The following NALF1 variants were observed in gnomAD, a reference collection of about 807,000 sequenced individuals.
NALF1 encodes family with sequence similarity 155 member A.
NALF1 carries 3 observed loss-of-function variants against 48.4 expected under a neutral mutation model. The observed-to-expected ratio is 0.06, with a 90% CI of 0.03 to 0.16. The LOEUF is 0.16. NALF1 is among the 10% of genes least tolerant of loss of function. The probability of loss-of-function intolerance (pLI) is 1.00; values close to 1 mark genes in which losing one functional copy is unlikely to be tolerated. For synonymous variants in NALF1, 262 were observed against 245.7 expected (o/e 1.07, Z -0.62); for missense variants, 526 against 571.5 (o/e 0.92, Z 0.81).
intron 1 of NALF1, among the ~76,000 whole-genome samples, chr13:107,330,043 G>A (rs1222535238): frequency 6.6e-6 from 1 of 152,096 alleles, no homozygotes; most frequent in Non-Finnish European, 1.5e-5. Flanking sequence ...AACTCAGGAG[G>A]GATTGTTTAG....
intron 1 of NALF1, among the ~76,000 whole-genome samples, chr13:107,358,478 A>G (rs191107995): frequency 6.6e-6 from 1 of 152,314 alleles, no homozygotes; most frequent in Non-Finnish European, 1.5e-5. Context: ...TTTATTGGCT[A>G]TGTAGTCATG....
At chr13:107,736,287 A>G (rs1876468878) in intron 1 of NALF1, among the ~76,000 whole-genome samples, 2 of 152,082 alleles carry the variant, frequency 1.3e-5, no homozygotes, top group Admixed American at 1.3e-4. Context: ...AAACGTGGAC[A>G]CTTCTGTAAC....
At chr13:107,613,655 T>C (rs140986044) in intron 1 of NALF1, among the ~76,000 whole-genome samples, 2,015 of 152,338 alleles carry the variant, frequency 0.013, 18 homozygotes, top group Non-Finnish European at 0.019. Flanking sequence ...ACTTTATCTG[T>C]GTGCCTGTAA....
chr13:107,376,750 T>G (rs1883346481), intron 1 of NALF1, among the ~76,000 whole-genome samples: 1 of 152,224 alleles, frequency 6.6e-6, no homozygotes, highest in Admixed American at 6.5e-5. Flanking sequence ...ATGATAAGGC[T>G]GTAACCCACA....
intron 1 of NALF1, among the ~76,000 whole-genome samples, chr13:107,296,941 A>C (rs1246615902): frequency 6.6e-6 from 1 of 152,154 alleles, no homozygotes; most frequent in Admixed American, 6.5e-5. Flanking sequence ...ACTCAAGCAC[A>C]AGGTATTCAG....
In NALF1 at chr13:107,866,842, T is replaced by G; in HGVS notation, c.-246A>C. 1 of 542,682 alleles carries G rather than the reference T, an allele frequency of 1.8e-6. No homozygotes were observed. The highest frequency in any genetic ancestry group is 3.2e-6 in the Non-Finnish European group (1 of 309,000). The allele number at this position is 542,682 out of a possible 1,614,324, so 33.6% of individuals were successfully genotyped here. A position where few individuals can be genotyped will look rare whatever the true frequency, so the allele number is the denominator to read the frequency against. ...TATTACCAGGCTTTGAAGGAAGGTCTGACTTGCTTCCTAATCATCAGCCGA... is the reference window on the plus strand; with the variant it reads ...TATTACCAGGCTTTGAAGGAAGGTCGGACTTGCTTCCTAATCATCAGCCGA... On this transcript the variant is annotated 5_prime_UTR_variant, in exon 1 of 3. Coordinates refer to ENST00000375915, the MANE Select transcript of NALF1 (RefSeq NM_001080396.3). The surrounding 1 kb of genome is among the most constrained non-coding windows in gnomAD (Gnocchi z 4.4).
intron 1 of NALF1, among the ~76,000 whole-genome samples, chr13:107,216,087 A>T (rs75113912): frequency 0.021 from 3,222 of 152,324 alleles, 39 homozygotes; most frequent in Non-Finnish European, 0.034. Context: ...CTTATTAGTA[A>T]GGACTAACTT....
intron 1 of NALF1, among the ~76,000 whole-genome samples, chr13:107,806,906 A>G (rs541021018): frequency 3.8e-4 from 58 of 152,284 alleles, no homozygotes; most frequent in African/African-American, 1.4e-3. Context: ...TATAAATTAA[A>G]TTACATTTGC....
intron 1 of NALF1, among the ~76,000 whole-genome samples, chr13:107,751,039 C>CAAA (rs1876924279): frequency 6.6e-6 from 1 of 152,172 alleles, no homozygotes; most frequent in Admixed American, 6.5e-5. Flanking sequence ...TCTCTTTCAA[C>CAAA]TACAAAATGG....
chr13:107,704,087 C>T (rs1881890230), intron 1 of NALF1, among the ~76,000 whole-genome samples: 1 of 152,132 alleles, frequency 6.6e-6, no homozygotes, highest in South Asian at 2.1e-4. Flanking sequence ...GTTCTCAATG[C>T]ATGTAAACCA....
chr13:107,199,946 C>T (rs1321924646), intron 2 of NALF1, among the ~76,000 whole-genome samples: 1 of 152,122 alleles, frequency 6.6e-6, no homozygotes, highest in East Asian at 1.9e-4. Flanking sequence ...ACACCTCCCA[C>T]CACAGAGCTT....
chr13:107,534,289 T>C (rs1876735689), intron 1 of NALF1, among the ~76,000 whole-genome samples: 1 of 152,114 alleles, frequency 6.6e-6, no homozygotes, highest in Non-Finnish European at 1.5e-5. Flanking sequence ...CATCTTCCAA[T>C]TAAAAACAAT....
At chr13:107,682,634 A>T (rs919119531) in intron 1 of NALF1, among the ~76,000 whole-genome samples, 1 of 151,976 alleles carries the variant, frequency 6.6e-6, no homozygotes, top group Non-Finnish European at 1.5e-5. Flanking sequence ...CACTTTTTAA[A>T]ATGGGTACTC....
chr13:107,779,481 G>A (rs1877825224), intron 1 of NALF1, among the ~76,000 whole-genome samples: 1 of 152,134 alleles, frequency 6.6e-6, no homozygotes, highest in Admixed American at 6.5e-5. Flanking sequence ...AAACATTCCT[G>A]TATTTCCATG....
chr13:107,359,208 C>T (rs879701116), intron 1 of NALF1, among the ~76,000 whole-genome samples: 33 of 152,048 alleles, frequency 2.2e-4, no homozygotes, highest in Non-Finnish European at 1.9e-4. Flanking sequence ...TCTCTTGCTG[C>T]AATTTCTCCT....
intron 1 of NALF1, among the ~76,000 whole-genome samples, chr13:107,254,247 A>G (rs1193688518): frequency 6.6e-6 from 1 of 152,166 alleles, no homozygotes; most frequent in Non-Finnish European, 1.5e-5. Flanking sequence ...GATCAACAGC[A>G]TTAACTTGCC....
intron 1 of NALF1, among the ~76,000 whole-genome samples, chr13:107,430,144 A>G (rs1884351103): frequency 6.6e-6 from 1 of 152,238 alleles, no homozygotes; most frequent in Non-Finnish European, 1.5e-5. Context: ...TCATTCATGT[A>G]TCCAAACATC....
chr13:107,765,927 T>C (rs765669242), intron 1 of NALF1, among the ~76,000 whole-genome samples: 38 of 152,194 alleles, frequency 2.5e-4, no homozygotes, highest in Non-Finnish European at 4.3e-4. Flanking sequence ...TGTAATCAAC[T>C]AGCTGTTTTA....
At chr13:107,754,503 T>C (rs1877037282) in intron 1 of NALF1, among the ~76,000 whole-genome samples, 1 of 151,992 alleles carries the variant, frequency 6.6e-6, no homozygotes, top group African/African-American at 2.4e-5. Flanking sequence ...GGAATGAAAG[T>C]GTTTTTGCTG....
Sources: gnomAD v4.1 joint callset for allele counts (sites outside exome capture counted in the v4.1 genomes callset) on GRCh38, gnomAD v4.1.1 for gene constraint, Gnocchi (gnomAD v3.1) non-coding constraint, MANE v1.5 for transcripts, NCBI Gene and HGNC (gene_info 2026-07-23, HGNC 2026-07-21) for gene names.